PHF24: variants seen among roughly 807,000 people sequenced by gnomAD.
PHF24 encodes the protein Galpha inhibitory interacting protein.
A neutral mutation model predicts 42.6 loss-of-function variants in PHF24; 25 were observed. The ratio of observed to expected loss-of-function variants is 0.59; its 90% CI spans 0.43 to 0.82. The LOEUF (loss-of-function observed/expected upper bound fraction) is 0.82. Ranked by LOEUF, PHF24 falls within the 40% of genes least tolerant of loss-of-function variation. PHF24 has a pLI of 0.00. For synonymous variants in PHF24, 185 were observed against 204.8 expected (o/e 0.90, Z 0.83); for missense variants, 470 against 538.1 (o/e 0.87, Z 1.25).
chr9:34,971,863 G>A (rs538137836), intron 2 of PHF24, among the ~76,000 whole-genome samples, 187 bp downstream of exon 2: 2 of 152,256 alleles, frequency 1.3e-5, no homozygotes, highest in East Asian at 1.9e-4. Context: ...GAAAGGCTTG[G>A]GGCAATGGAT....
chr9:34,901,887 T>G, the PHF24 span, among the ~76,000 whole-genome samples: 2 of 152,248 alleles, frequency 1.3e-5, no homozygotes, highest in Non-Finnish European at 2.9e-5. Flanking sequence ...TATAAATTTC[T>G]GATATCTGGA....
chr9:34,828,910 T>TA, the PHF24 span, among the ~76,000 whole-genome samples: 1 of 149,446 alleles, frequency 6.7e-6, no homozygotes, highest in African/African-American at 2.5e-5. Context: ...GTTGCATGGT[T>TA]TTATCTATAT....
chr9:34,714,036 G>A, the PHF24 span, among the ~76,000 whole-genome samples: 3 of 151,924 alleles, frequency 2.0e-5, no homozygotes, highest in African/African-American at 7.3e-5. Context: ...GGATAAAGAG[G>A]TGGTGTTTCA....
the PHF24 span, among the ~76,000 whole-genome samples, chr9:34,698,190 A>C: frequency 6.6e-6 from 1 of 151,542 alleles, no homozygotes; most frequent in Non-Finnish European, 1.5e-5. Flanking sequence ...TTTTGACTTA[A>C]GCCAGTTTCC....
At chr9:34,839,743 A>G in the PHF24 span, among the ~76,000 whole-genome samples, 7 of 152,190 alleles carry the variant, frequency 4.6e-5, no homozygotes, top group Admixed American at 4.6e-4. Flanking sequence ...TCCTCTCAAG[A>G]CACTTAAAAA....
chr9:34,953,646 C>T (rs1183801141), upstream of PHF24, among the ~76,000 whole-genome samples: 1 of 151,990 alleles, frequency 6.6e-6, no homozygotes, highest in African/African-American at 2.4e-5. The surrounding 1 kb of genome is among the most constrained non-coding windows in gnomAD (Gnocchi z 4.1). Flanking sequence ...TATTTCAACC[C>T]TATTAAGATC....
chr9:34,692,785 C>CT, the PHF24 span, among the ~76,000 whole-genome samples: 49,575 of 120,060 alleles, frequency 0.41, 12,651 homozygotes, highest in East Asian at 0.76. Context: ...TTCTTTTGTC[C>CT]TTTTTTTTTT....
the PHF24 span, among the ~76,000 whole-genome samples, chr9:34,930,557 A>G: frequency 6.6e-6 from 1 of 152,164 alleles, no homozygotes; most frequent in Admixed American, 6.5e-5. Context: ...AGGAGCCCCA[A>G]ATGCATTTTC....
At chr9:34,709,554 T>A in the PHF24 span, 1 of 1,614,190 alleles carries the variant, frequency 6.2e-7, no homozygotes. Flanking sequence ...GGCCCCCCTG[T>A]CCTTCCTGCA....
the PHF24 span, chr9:34,922,437 G>A: frequency 2.2e-6 from 3 of 1,363,412 alleles, no homozygotes; most frequent in South Asian, 3.5e-5. Context: ...AGGATATGTT[G>A]GTTGCATTTC....
the PHF24 span, among the ~76,000 whole-genome samples, chr9:34,808,135 G>T: frequency 1.3e-5 from 2 of 152,164 alleles, no homozygotes; most frequent in Non-Finnish European, 1.5e-5. Flanking sequence ...AGAATACCTA[G>T]ATTCCACATA....
At chr9:34,767,657 G>T in the PHF24 span, among the ~76,000 whole-genome samples, 251 of 152,248 alleles carry the variant, frequency 1.6e-3, no homozygotes, top group African/African-American at 5.9e-3. Flanking sequence ...TTGCGCTTCC[G>T]GAGTGAGGCA....
chr9:34,713,318 C>A, the PHF24 span, among the ~76,000 whole-genome samples: 15 of 152,184 alleles, frequency 9.9e-5, no homozygotes, highest in African/African-American at 3.6e-4. Flanking sequence ...CCTTAGGGAA[C>A]CAGAAGACAA....
chr9:34,794,855 C>G, the PHF24 span, among the ~76,000 whole-genome samples: 1 of 151,986 alleles, frequency 6.6e-6, no homozygotes, highest in Admixed American at 6.6e-5. Flanking sequence ...GTCTAACATG[C>G]ATACCATTGA....
chr9:34,847,418 T>C, the PHF24 span, among the ~76,000 whole-genome samples: 1 of 152,190 alleles, frequency 6.6e-6, no homozygotes, highest in African/African-American at 2.4e-5. Flanking sequence ...TATTGGTGTA[T>C]AAGAATGCTT....
the PHF24 span, chr9:34,832,464 G>C: frequency 6.7e-7 from 1 of 1,497,680 alleles, no homozygotes; most frequent in South Asian, 1.3e-5. Context: ...CAGCTTCTGA[G>C]CACGATGAGA....
chr9:34,692,613 C>A, the PHF24 span, among the ~76,000 whole-genome samples: 1 of 152,118 alleles, frequency 6.6e-6, no homozygotes, highest in Non-Finnish European at 1.5e-5. Flanking sequence ...CCACCACTTA[C>A]TAACTGCGAC....
At chr9:34,728,175 GAA>G in the PHF24 span, 1 of 1,163,528 alleles carries the variant, frequency 8.6e-7, no homozygotes. Context: ...CTCTCATCAA[GAA>G]AAGACTACAA....
At chr9:34,836,049 C>A in the PHF24 span, 1 of 614,188 alleles carries the variant, frequency 1.6e-6, no homozygotes, top group South Asian at 1.5e-5. Flanking sequence ...GAAGCCAGCC[C>A]TGGCTGGAAA....
Sources: allele counts gnomAD v4.1 joint callset (sites outside exome capture counted in the v4.1 genomes callset), GRCh38; gene constraint gnomAD v4.1.1; non-coding constraint Gnocchi (gnomAD v3.1); transcripts MANE v1.5; gene names NCBI Gene and HGNC (gene_info 2026-07-23, HGNC 2026-07-21).